ADCY8: variants seen among roughly 807,000 people sequenced by gnomAD.
The protein encoded by ADCY8 is adenylate cyclase 8, also known as adenylate cyclase type 8.
In ADCY8, 51 loss-of-function variants were observed where a neutral mutation model predicts 119.7. The ratio of observed to expected loss-of-function variants is 0.43; its 90% CI spans 0.34 to 0.54. ADCY8 has a LOEUF of 0.54. Among genes scored for constraint, ADCY8 ranks in the 20% least tolerant of loss-of-function variants. The pLI, the probability that ADCY8 is intolerant of heterozygous loss-of-function variation, is 0.03. For synonymous variants in ADCY8, 665 were observed against 651.0 expected (o/e 1.02, Z -0.33); for missense variants, 1,383 against 1,598.8 (o/e 0.87, Z 2.30).
intron 1 of ADCY8, among the ~76,000 whole-genome samples, chr8:131,011,809 G>A (rs1019720463): frequency 6.6e-6 from 1 of 152,144 alleles, no homozygotes; most frequent in Non-Finnish European, 1.5e-5. Flanking sequence ...CCCCCCAGAA[G>A]CTGATGCCCA....
intron 13 of ADCY8, among the ~76,000 whole-genome samples, chr8:130,819,925 G>A (rs1172339886): frequency 6.6e-6 from 1 of 152,192 alleles, no homozygotes; most frequent in Non-Finnish European, 1.5e-5. Context: ...CAGCATCTTT[G>A]TTCTGCTCTG....
intron 3 of ADCY8, among the ~76,000 whole-genome samples, chr8:130,948,216 G>A (rs902647846): frequency 7.9e-5 from 12 of 152,156 alleles, no homozygotes; most frequent in Non-Finnish European, 1.8e-4. Context: ...AATTGAAAGG[G>A]TATTTGAAAG....
chr8:130,820,233 T>G (rs187815), intron 13 of ADCY8, among the ~76,000 whole-genome samples: 1 of 152,158 alleles, frequency 6.6e-6, no homozygotes, highest in Non-Finnish European at 1.5e-5. Flanking sequence ...ATAACTTTAA[T>G]TATGTGTCTC....
chr8:130,852,990 C>T (rs1041485216), intron 9 of ADCY8, among the ~76,000 whole-genome samples: 6 of 152,218 alleles, frequency 3.9e-5, no homozygotes, highest in Admixed American at 3.9e-4. Context: ...CCCTCAGCAG[C>T]CTTCACAGGG....
At chr8:130,980,688 T>A (rs1188391018) in intron 2 of ADCY8, among the ~76,000 whole-genome samples, 1 of 152,158 alleles carries the variant, frequency 6.6e-6, no homozygotes, top group Admixed American at 6.5e-5. Context: ...GTTGAGCAAA[T>A]GAAGGATGAA....
chr8:130,820,329 C>CTTCT (rs1206316641), intron 13 of ADCY8, among the ~76,000 whole-genome samples: 1 of 152,166 alleles, frequency 6.6e-6, no homozygotes, highest in Non-Finnish European at 1.5e-5. Context: ...CAGCAATGTG[C>CTTCT]TTCTATTTCT....
intron 9 of ADCY8, among the ~76,000 whole-genome samples, chr8:130,859,038 C>A (rs914184061): frequency 2.6e-5 from 4 of 152,032 alleles, no homozygotes; most frequent in Non-Finnish European, 5.9e-5. Flanking sequence ...TCAGACAGTT[C>A]TCCAAGGAGC....
chr8:130,933,142 G>C (rs993780471), intron 5 of ADCY8, among the ~76,000 whole-genome samples: 2 of 152,110 alleles, frequency 1.3e-5, no homozygotes, highest in African/African-American at 4.8e-5. Context: ...TCAAACAGGG[G>C]TCCATTTCTG....
intron 1 of ADCY8, among the ~76,000 whole-genome samples, chr8:131,032,599 G>A (rs1301812888): frequency 6.6e-6 from 1 of 152,106 alleles, no homozygotes; most frequent in Non-Finnish European, 1.5e-5. Flanking sequence ...TGGGCCTCCT[G>A]TGGAATGTCT....
intron 1 of ADCY8, among the ~76,000 whole-genome samples, chr8:131,019,215 C>A (rs1823574197): frequency 1.3e-5 from 2 of 152,150 alleles, no homozygotes; most frequent in Admixed American, 1.3e-4. Flanking sequence ...AGGTCAACAA[C>A]AAATGTTTTC....
At chr8:130,881,799 C>T (rs1430224767) in intron 8 of ADCY8, among the ~76,000 whole-genome samples, 1 of 151,942 alleles carries the variant, frequency 6.6e-6, no homozygotes, top group Non-Finnish European at 1.5e-5. Context: ...TCTGTGGTCA[C>T]CAGGTGGCAA....
intron 5 of ADCY8, among the ~76,000 whole-genome samples, chr8:130,910,153 T>G (rs993636529): frequency 2.0e-5 from 3 of 152,182 alleles, no homozygotes; most frequent in East Asian, 1.9e-4. Context: ...ACTTTCAATG[T>G]CACCCCTTCC....
intron 8 of ADCY8, among the ~76,000 whole-genome samples, chr8:130,873,998 A>G (rs1437730544): frequency 6.6e-6 from 1 of 152,100 alleles, no homozygotes; most frequent in Non-Finnish European, 1.5e-5. Context: ...TGGCAGTAGC[A>G]TAGAGCATCC....
intron 15 of ADCY8, among the ~76,000 whole-genome samples, chr8:130,790,715 C>T (rs968474699): frequency 4.6e-5 from 7 of 152,140 alleles, no homozygotes; most frequent in Non-Finnish European, 1.0e-4. Flanking sequence ...GATTCACTCC[C>T]TGGGGACCTC....
rs575506655 is a variant in ADCY8 at position 130,809,420 on chromosome 8, T to C, written c.2913+4649A>G. ...CTCTTCAAGACTTGTCTCTTTGTAC[T>C]TATGATACCTTTGCTCTGGCCTGTT... On this transcript the variant is annotated intron_variant, in intron 14 of 17. Transcript: ENST00000286355. 1.3e-3 allele frequency among the ~76,000 whole-genome samples: 205 copies of C among 152,358 alleles called. 2 individuals carry two copies. The highest frequency in any genetic ancestry group is 4.6e-3 in the African/African-American group (192 of 41,584).
rs566962038 is a variant in ADCY8 at position 130,853,955 on chromosome 8, G to A, written c.2211-4152C>T. Among the ~76,000 whole-genome samples, 319 of 152,260 alleles carry A rather than the reference G, an allele frequency of 2.1e-3. 1 individual carries two copies. Among genetic ancestry groups the A allele is most frequent in the Non-Finnish European group, 3.8e-3 (257 of 68,012 alleles). ...TGAGATTAAACAAAGTCATAAAGTA[G>A]TATAATAAAAATTTAAAGAAATGTT... On this transcript the variant is annotated intron_variant, in intron 9 of 17. Coordinates refer to ENST00000286355, the MANE Select transcript of ADCY8 (RefSeq NM_001115.3).
intron 2 of ADCY8, among the ~76,000 whole-genome samples, chr8:130,974,328 A>G (rs1822009250): frequency 6.6e-6 from 1 of 152,146 alleles, no homozygotes; most frequent in African/African-American, 2.4e-5. Context: ...GACACTAGAG[A>G]CTGATGAGAT....
intron 1 of ADCY8, among the ~76,000 whole-genome samples, chr8:131,011,183 A>G (rs1180780920): frequency 6.6e-6 from 1 of 152,174 alleles, no homozygotes; most frequent in African/African-American, 2.4e-5. Flanking sequence ...TGAAAAAAAA[A>G]AAAAGAATTA....
At chr8:130,930,179 A>T (rs953756962) in intron 5 of ADCY8, among the ~76,000 whole-genome samples, 2 of 151,126 alleles carry the variant, frequency 1.3e-5, no homozygotes, top group Non-Finnish European at 3.0e-5. Context: ...ATCTTGTGTT[A>T]CTTCTTCCTT....
Sources: gnomAD v4.1 joint callset for allele counts (sites outside exome capture counted in the v4.1 genomes callset) on GRCh38, gnomAD v4.1.1 for gene constraint, MANE v1.5 for transcripts, NCBI Gene and HGNC (gene_info 2026-07-23, HGNC 2026-07-21) for gene names.